The following INSL6 variants were observed in gnomAD, a reference collection of about 807,000 sequenced individuals.
INSL6 encodes the protein insulin-like peptide INSL6.
In INSL6, 16 loss-of-function variants were observed where a neutral mutation model predicts 9.4. The observed-to-expected ratio is 1.70, with a 90% CI of 1.15 to 2.59. The LOEUF is 2.59. Ranked by LOEUF, INSL6 falls within the 30% of genes most tolerant of loss-of-function variation. The pLI, the probability that INSL6 is intolerant of heterozygous loss-of-function variation, is 0.00. For missense variants in INSL6, 391 were observed against 257.3 expected (o/e 1.52, Z -3.56); for synonymous variants, 154 against 96.9 (o/e 1.59, Z -3.46).
chr9:5,041,892 G>T, the INSL6 span: 1 of 418,858 alleles, frequency 2.4e-6, no homozygotes, highest in Non-Finnish European at 4.6e-6. Flanking sequence ...CCATCAGGGC[G>T]CCTGCAGAGA....
At chr9:5,087,041 A>T in the INSL6 span, among the ~76,000 whole-genome samples, 1 of 152,234 alleles carries the variant, frequency 6.6e-6, no homozygotes, top group Non-Finnish European at 1.5e-5. Context: ...AAAAGAAAAA[A>T]ATCAGATATA....
chr9:4,998,869 C>T, the INSL6 span, among the ~76,000 whole-genome samples: 5 of 152,104 alleles, frequency 3.3e-5, no homozygotes, highest in Non-Finnish European at 7.4e-5. Context: ...CTCCCTCTGT[C>T]ACCCAGGCTG....
chr9:5,150,005 T>C (rs143179991), intron 2 of INSL6, among the ~76,000 whole-genome samples: 19 of 152,244 alleles, frequency 1.2e-4, no homozygotes, highest in African/African-American at 4.3e-4. Flanking sequence ...GAAAGATCAG[T>C]CTAGTTTAAA....
intron 3 of INSL6, among the ~76,000 whole-genome samples, chr9:5,129,142 C>A (rs1378604076): frequency 1.3e-5 from 2 of 152,012 alleles, no homozygotes; most frequent in Non-Finnish European, 2.9e-5. Context: ...TAAACAGCTA[C>A]AAAAGAGTTA....
intron 1 of INSL6, among the ~76,000 whole-genome samples, chr9:5,173,605 G>C (rs532606234): frequency 6.6e-6 from 1 of 151,810 alleles, no homozygotes; most frequent in Non-Finnish European, 1.5e-5. Flanking sequence ...AATGGGGCCT[G>C]TCAGAGGGTG....
the INSL6 span, chr9:5,029,822 G>C: frequency 6.2e-7 from 1 of 1,611,256 alleles, no homozygotes; most frequent in Admixed American, 1.7e-5. Context: ...GCTTTAATGA[G>C]TGAAACAGAA....
chr9:5,085,191 G>C, the INSL6 span: 2 of 658,424 alleles, frequency 3.0e-6, no homozygotes, highest in Non-Finnish European at 5.9e-6. Flanking sequence ...ACCATCTCAT[G>C]ATCATAGCAT....
chr9:5,111,165 C>T, the INSL6 span: 4 of 763,150 alleles, frequency 5.2e-6, no homozygotes, highest in East Asian at 6.6e-5. Flanking sequence ...CTGAGTCGCA[C>T]GGCAGCCACT....
intron 1 of INSL6, among the ~76,000 whole-genome samples, chr9:5,166,199 A>G (rs892021563): frequency 5.3e-5 from 8 of 152,192 alleles, no homozygotes; most frequent in Non-Finnish European, 1.0e-4. Context: ...GGAAGGCAGA[A>G]GATTTTTGTT....
chr9:5,180,059 G>C (rs1379775317), intron 1 of INSL6, among the ~76,000 whole-genome samples: 1 of 152,220 alleles, frequency 6.6e-6, no homozygotes, highest in African/African-American at 2.4e-5. Context: ...ATTCTGTTGT[G>C]GGAAGTCAGG....
chr9:5,173,973 C>T (rs1825243103), intron 1 of INSL6, among the ~76,000 whole-genome samples: 1 of 152,104 alleles, frequency 6.6e-6, no homozygotes. Context: ...TTTTTAAATT[C>T]ATCTCTTAAC....
the INSL6 span, chr9:5,085,716 A>G: frequency 8.0e-6 from 6 of 751,562 alleles, no homozygotes; most frequent in Admixed American, 8.8e-5. Flanking sequence ...AGCAGTGTGG[A>G]TCATTTCTGC....
chr9:5,127,676 T>G, intron 3 of INSL6: 1 of 232,254 alleles, frequency 4.3e-6, no homozygotes, highest in Non-Finnish European at 8.5e-6. Flanking sequence ...TGACTGCCAA[T>G]AACATTCTTC....
chr9:4,994,722 T>G, the INSL6 span, among the ~76,000 whole-genome samples: 1 of 152,188 alleles, frequency 6.6e-6, no homozygotes, highest in Non-Finnish European at 1.5e-5. Context: ...ATTTGGTATG[T>G]GTGAACTGTG....
At chr9:5,017,642 G>A in the INSL6 span, among the ~76,000 whole-genome samples, 1 of 151,990 alleles carries the variant, frequency 6.6e-6, no homozygotes, top group African/African-American at 2.4e-5. Context: ...TCTTATAACT[G>A]CTTTTGCTGC....
At chr9:5,006,510 A>G in the INSL6 span, among the ~76,000 whole-genome samples, 26 of 152,164 alleles carry the variant, frequency 1.7e-4, no homozygotes, top group Non-Finnish European at 4.4e-5. Flanking sequence ...TTTTAAAGAA[A>G]AGTTGTTTAA....
At chr9:5,007,728 T>TG in the INSL6 span, among the ~76,000 whole-genome samples, 1 of 151,134 alleles carries the variant, frequency 6.6e-6, no homozygotes, top group Non-Finnish European at 1.5e-5. Context: ...ATATTGTCTT[T>TG]TTTTTTTTTG....
chr9:5,003,293 T>C, the INSL6 span, among the ~76,000 whole-genome samples: 4 of 152,006 alleles, frequency 2.6e-5, no homozygotes, highest in African/African-American at 9.7e-5. Flanking sequence ...AATCTATAGA[T>C]TAATTTGGAA....
At chr9:5,079,777 C>T in the INSL6 span, among the ~76,000 whole-genome samples, 1 of 152,000 alleles carries the variant, frequency 6.6e-6, no homozygotes, top group East Asian at 1.9e-4. Context: ...TGCAATCGTG[C>T]CATTGCACTC....
Sources: gnomAD v4.1 joint callset for allele counts (sites outside exome capture counted in the v4.1 genomes callset) on GRCh38, gnomAD v4.1.1 for gene constraint, MANE v1.5 for transcripts, NCBI Gene and HGNC (gene_info 2026-07-23, HGNC 2026-07-21) for gene names.